The following ZSWIM5 variants were observed in gnomAD, a reference collection of about 807,000 sequenced individuals.
The protein encoded by ZSWIM5 is zinc finger SWIM domain-containing protein 5.
ZSWIM5 carries 55 observed loss-of-function variants against 119.6 expected under a neutral mutation model. The observed-to-expected ratio is 0.46, with a 90% CI of 0.37 to 0.58. The LOEUF is 0.58. ZSWIM5 is among the 20% of genes least tolerant of loss of function. The probability of loss-of-function intolerance (pLI) is 0.00; values close to 1 mark genes in which losing one functional copy is unlikely to be tolerated. For synonymous variants in ZSWIM5, 537 were observed against 606.9 expected, an observed-to-expected ratio of 0.88 and a Z score of 1.69; for missense variants, 1,193 against 1,512.8, an observed-to-expected ratio of 0.79 and a Z score of 3.51.
At chr1:45,092,132 A>C (rs1394040269) in intron 1 of ZSWIM5, among the ~76,000 whole-genome samples, 1 of 152,236 alleles carries the variant, frequency 6.6e-6, no homozygotes, top group East Asian at 1.9e-4. Context: ...GTTATTTAAT[A>C]AATGGTGGCT....
In ZSWIM5 at chr1:45,044,808, TATATATATATATAA is replaced by T. The variant is rs1557746621; in HGVS notation, c.1433-1427_1433-1414del. 1.0e-3 allele frequency among the ~76,000 whole-genome samples: 10 copies of T among 9,654 alleles called. 1 individual carries two copies. The highest frequency in any genetic ancestry group is 4.3e-3 in the African/African-American group (9 of 2,094). 6.3% of individuals were successfully genotyped at this position (9,654 alleles called of 152,430 possible). On this transcript the variant is annotated intron_variant, in intron 5 of 13. Transcript: ENST00000359600. ...ATATATAAATATATATATATAAATATATATATATATATAAATATATATATATAAATATATATATA... is the reference window on the plus strand; with the variant it reads ...ATATATAAATATATATATATAAATATATATATATATATAAATATATATATA...
At chr1:45,123,218 T>C (rs1188461566) in intron 1 of ZSWIM5, among the ~76,000 whole-genome samples, 1 of 151,922 alleles carries the variant, frequency 6.6e-6, no homozygotes, top group African/African-American at 2.4e-5. Flanking sequence ...TTAAAATCAC[T>C]CGATACACCA....
At chr1:45,159,932 T>C (rs1204346629) in intron 1 of ZSWIM5, among the ~76,000 whole-genome samples, 2 of 152,186 alleles carry the variant, frequency 1.3e-5, no homozygotes, top group African/African-American at 4.8e-5. Flanking sequence ...AGAAAGAATA[T>C]ACTTTGCAAA....
intron 4 of ZSWIM5, among the ~76,000 whole-genome samples, chr1:45,053,700 T>C (rs1013897730): frequency 1.4e-5 from 2 of 142,980 alleles, no homozygotes; most frequent in Admixed American, 1.5e-4. Context: ...GAGGCAAAGG[T>C]TGCAGTGAGC....
chr1:45,184,135 CA>C (rs1646041581), intron 1 of ZSWIM5, among the ~76,000 whole-genome samples: 2 of 152,122 alleles, frequency 1.3e-5, no homozygotes, highest in Non-Finnish European at 2.9e-5. Flanking sequence ...TAAACAGAAC[CA>C]AAGATAAAAA....
At chr1:45,090,670 A>G (rs1645359639) in intron 1 of ZSWIM5, among the ~76,000 whole-genome samples, 1 of 152,120 alleles carries the variant, frequency 6.6e-6, no homozygotes, top group South Asian at 2.1e-4. Flanking sequence ...AAGTAAATAA[A>G]TAAGCAAGCT....
rs772444290 is a variant in ZSWIM5 at position 45,088,159 on chromosome 1, A to G, written c.674T>C (p.Phe225Ser). The part of the protein sequence containing the change: ...PAVTYKVAIS[F>S]DRCKITSVTC... ...CACTGAGGTGATTTTGCATCGATCA[A>G]AACTGATTGCAACTTTATAAGTCAC... The change falls in exon 2 of 14, where the codon TTT (phenylalanine) becomes TCT (serine). Residue 225 changes from phenylalanine to serine, a missense_variant. Around this residue, in one of 2 missense-constraint regions of ZSWIM5, gnomAD observed 961 missense variants for 1,290.0 expected, o/e 0.74. Transcript: ENST00000359600. This position sits in a 1 kb window ranked among gnomAD's most constrained non-coding sequence, Gnocchi z 4.2. 1.2e-6 allele frequency: 2 copies of G among 1,614,212 alleles called. No individual in the cohort carries two copies. The highest frequency in any genetic ancestry group is 1.1e-5 in the South Asian group (1 of 91,084).
intron 1 of ZSWIM5, among the ~76,000 whole-genome samples, chr1:45,116,509 C>T (rs1036730199): frequency 6.6e-6 from 1 of 152,102 alleles, no homozygotes; most frequent in Non-Finnish European, 1.5e-5. Flanking sequence ...AGATAGCAGA[C>T]TGTGATTAAA....
intron 1 of ZSWIM5, among the ~76,000 whole-genome samples, chr1:45,201,805 C>G (rs1646159895): frequency 6.6e-6 from 1 of 152,050 alleles, no homozygotes; most frequent in African/African-American, 2.4e-5. Context: ...GAAGATACAC[C>G]TAAGTTGTAA....
chr1:45,098,185 T>C, intron 1 of ZSWIM5, among the ~76,000 whole-genome samples: 1 of 152,120 alleles, frequency 6.6e-6, no homozygotes, highest in Admixed American at 6.6e-5. Context: ...AGAAGACCAG[T>C]GACTGGAAAG....
intron 1 of ZSWIM5, among the ~76,000 whole-genome samples, chr1:45,090,634 A>G (rs1377413724): frequency 2.6e-5 from 4 of 151,464 alleles, no homozygotes; most frequent in African/African-American, 9.7e-5. Context: ...AAGGTAAAAT[A>G]AAATAAAATA....
intron 1 of ZSWIM5, among the ~76,000 whole-genome samples, chr1:45,150,755 A>G (rs1645792149): frequency 6.6e-6 from 1 of 152,180 alleles, no homozygotes; most frequent in Admixed American, 6.6e-5. Context: ...TCTTGAGAGC[A>G]GCGAGAAAAT....
Position 45,102,828 on chromosome 1 carries a change from T to A in ZSWIM5, c.596-14591A>T, listed in dbSNP as rs544340845. Among the ~76,000 whole-genome samples the A allele has an allele frequency of 4.6e-5, 7 of 152,320 alleles. No individual in the cohort carries two copies. In the South Asian group the frequency reaches 1.2e-3, roughly 27 times the overall value. On this transcript the variant is annotated intron_variant, in intron 1 of 13. Transcript: ENST00000359600. ...ATTGAAACACCAAGATTATTTTCCA[T>A]AATGTATGTATATAGATTTTTAAAT...
At chr1:45,031,821 C>T (rs1016492957) in intron 11 of ZSWIM5, among the ~76,000 whole-genome samples, 6 of 123,438 alleles carry the variant, frequency 4.9e-5, no homozygotes, top group South Asian at 5.1e-4. Flanking sequence ...ACCTGGGCAA[C>T]GGAGTAAGAC....
intron 11 of ZSWIM5, among the ~76,000 whole-genome samples, chr1:45,024,900 C>A (rs1644911437): frequency 6.6e-6 from 1 of 152,142 alleles, no homozygotes; most frequent in East Asian, 1.9e-4. Context: ...GATGATCTGC[C>A]CGCCTCAGCC....
At chr1:45,117,501 C>G (rs1316988343) in intron 1 of ZSWIM5, among the ~76,000 whole-genome samples, 1 of 152,058 alleles carries the variant, frequency 6.6e-6, no homozygotes, top group African/African-American at 2.4e-5. Context: ...ATAGTGAAAC[C>G]CTGTCTACTA....
rs557897685 is a variant in ZSWIM5, at chr1:45,037,390, C to T, written c.1895-1091G>A. Among the ~76,000 whole-genome samples the T allele has an allele frequency of 7.2e-5, 11 of 152,244 alleles. No homozygotes were observed. The East Asian group carries it at 1.2e-3, about 16-fold the overall frequency. ...CCTCCCAAAGTGCTGGGATTACAGG[C>T]GAGAGCCACTGCGCCCGGCCCATCT... On this transcript the variant is annotated intron_variant, in intron 8 of 13. Transcript: ENST00000359600.
chr1:45,120,944 A>C (rs975053804), intron 1 of ZSWIM5, among the ~76,000 whole-genome samples: 1 of 150,006 alleles, frequency 6.7e-6, no homozygotes, highest in East Asian at 2.0e-4. Context: ...TCTGGATCCT[A>C]TCACTTTTCA....
Position 45,019,331 on chromosome 1 carries a change from C to A in ZSWIM5, c.2696-15G>T. The A allele has an allele frequency of 1.3e-6, 2 of 1,599,848 alleles. No individual in the cohort carries two copies. Among genetic ancestry groups the A allele is most frequent in the Non-Finnish European group, 1.7e-6 (2 of 1,174,940 alleles). On this transcript the variant is annotated splice_polypyrimidine_tract_variant and intron_variant, in intron 13 of 13. Transcript: ENST00000359600. This position sits in a 1 kb window ranked among gnomAD's most constrained non-coding sequence, Gnocchi z 5.0. The stretch of plus-strand genomic sequence containing the variant: ...GGCCCGCACACCTGTCAGGGGGAGC[C>A]TGAGCTCAGCCGTGGCCATCTGGGT...
Sources: gnomAD v4.1 joint callset for allele counts (sites outside exome capture counted in the v4.1 genomes callset) on GRCh38, gnomAD v4.1.1 for gene constraint, gnomAD v4.1.1 regional missense constraint, Gnocchi (gnomAD v3.1) non-coding constraint, MANE v1.5 for transcripts, NCBI Gene and HGNC (gene_info 2026-07-23, HGNC 2026-07-21) for gene names.